The following ADAMTS12 variants were observed in gnomAD, a reference collection of about 807,000 sequenced individuals.
ADAMTS12 encodes ADAM metallopeptidase with thrombospondin type 1 motif 12.
In ADAMTS12, 118 loss-of-function variants were observed where a neutral mutation model predicts 167.8. That is an observed-to-expected ratio of 0.70 (90% CI 0.61 to 0.82). ADAMTS12 has a LOEUF of 0.82. Ranked by LOEUF, ADAMTS12 falls within the 40% of genes least tolerant of loss-of-function variation. The pLI is 0.00. For synonymous variants in ADAMTS12, 704 were observed against 716.9 expected, an observed-to-expected ratio of 0.98 and a Z score of 0.29; for missense variants, 1,916 against 1,998.8, an observed-to-expected ratio of 0.96 and a Z score of 0.79.
chr5:33,655,401 G>T (rs1033475883), intron 7 of ADAMTS12, among the ~76,000 whole-genome samples: 2 of 151,990 alleles, frequency 1.3e-5, no homozygotes, highest in East Asian at 3.9e-4. Context: ...TCTCACGTTG[G>T]GTAGGGTAAC....
chr5:33,798,631 G>C (rs1746872889), intron 2 of ADAMTS12, among the ~76,000 whole-genome samples: 2 of 151,924 alleles, frequency 1.3e-5, no homozygotes, highest in African/African-American at 4.8e-5. Flanking sequence ...GCAGAGACGG[G>C]GTTTCACCAT....
intron 13 of ADAMTS12, 118 bp from the exon 14 acceptor site, chr5:33,624,469 A>G: frequency 4.3e-6 from 6 of 1,408,066 alleles, no homozygotes; most frequent in Non-Finnish European, 5.7e-6. Context: ...GGTACCAGGT[A>G]CAAGGACAAA....
chr5:33,682,374 G>C (rs1736938343), intron 5 of ADAMTS12, among the ~76,000 whole-genome samples: 2 of 152,214 alleles, frequency 1.3e-5, no homozygotes, highest in Admixed American at 6.5e-5. Flanking sequence ...GACACCTCCA[G>C]GTGGAGATTT....
At chr5:33,623,140 T>C (rs534324596) in intron 14 of ADAMTS12, among the ~76,000 whole-genome samples, 1 of 152,278 alleles carries the variant, frequency 6.6e-6, no homozygotes, top group Admixed American at 6.5e-5. Flanking sequence ...GAAGCATGTT[T>C]AGAAGAGAGA....
chr5:33,683,158 C>G, intron 4 of ADAMTS12, 57 bp from the exon 5 acceptor site: 1 of 1,344,810 alleles, frequency 7.4e-7, no homozygotes, highest in South Asian at 1.3e-5. Flanking sequence ...AAATAAATAC[C>G]AGAGAAGAAA....
chr5:33,641,721 G>A, intron 11 of ADAMTS12, 89 bp downstream of exon 11: 1 of 1,301,520 alleles, frequency 7.7e-7, no homozygotes, highest in Non-Finnish European at 1.0e-6. Flanking sequence ...AGGAGGCTTG[G>A]GGTCACTGAG....
intron 20 of ADAMTS12, among the ~76,000 whole-genome samples, chr5:33,560,153 G>A (rs1021696601): frequency 8.5e-5 from 13 of 152,204 alleles, no homozygotes; most frequent in African/African-American, 3.1e-4. Context: ...GGTTTATCTT[G>A]TAAGAGAAAG....
At chr5:33,868,519 G>A (rs57405988) in intron 2 of ADAMTS12, among the ~76,000 whole-genome samples, 2,192 of 152,298 alleles carry the variant, frequency 0.014, 59 homozygotes, top group African/African-American at 0.05. Context: ...TAGAGGCATC[G>A]TGCTCCTGCC....
intron 12 of ADAMTS12, among the ~76,000 whole-genome samples, chr5:33,631,474 A>ATT (rs5867197): frequency 8.6e-5 from 13 of 151,846 alleles, no homozygotes; most frequent in Admixed American, 6.5e-4. Context: ...ATGTAGAAAC[A>ATT]TTTTTTTTGT....
Position 33,588,721 on chromosome 5 carries a change from C to T in ADAMTS12, c.2743G>A (p.Val915Ile). The change falls in exon 18 of 24, where the codon GTC (valine) becomes ATC (isoleucine). Residue 915 changes from valine (V) to isoleucine (I), a missense_variant. Val to Ile is a conservative substitution (Grantham distance 29). Coordinates refer to ENST00000504830, the MANE Select transcript of ADAMTS12 (RefSeq NM_030955.4). ...GGCGGGAGAGCCTGCTCGTCAGAGACCATGGTCTGGATGCACAGCACGGTT... is the reference window on the plus strand; with the variant it reads ...GGCGGGAGAGCCTGCTCGTCAGAGATCATGGTCTGGATGCACAGCACGGTT... ...KRTVLCIQTMVSDEQALPPTD... is the reference protein window; with the variant it reads ...KRTVLCIQTMISDEQALPPTD... 6.2e-7 allele frequency: 1 copy of T among 1,614,136 alleles called. No homozygotes were observed. Among genetic ancestry groups the T allele is most frequent in the Non-Finnish European group, 8.5e-7 (1 of 1,180,028 alleles).
At chr5:33,598,185 T>G (rs1171592108) in intron 16 of ADAMTS12, among the ~76,000 whole-genome samples, 2 of 152,134 alleles carry the variant, frequency 1.3e-5, no homozygotes, top group East Asian at 3.9e-4. Context: ...TGGTGACCAT[T>G]ACTCTTCTCT....
chr5:33,764,824 A>T (rs1017519196), intron 2 of ADAMTS12, among the ~76,000 whole-genome samples: 1 of 151,978 alleles, frequency 6.6e-6, no homozygotes, highest in African/African-American at 2.4e-5. Flanking sequence ...TTTCTTAAAC[A>T]AGGCCCAAAT....
chr5:33,844,028 T>A (rs1748848358), intron 2 of ADAMTS12, among the ~76,000 whole-genome samples: 1 of 152,216 alleles, frequency 6.6e-6, no homozygotes, highest in Non-Finnish European at 1.5e-5. Flanking sequence ...TTTACTGCAA[T>A]CTCTGAACAT....
rs796277780 is a variant in ADAMTS12 at position 33,717,574 on chromosome 5, A to G, written c.635-33519T>C. Among the ~76,000 whole-genome samples, 9 of 152,134 alleles carry G rather than the reference A, an allele frequency of 5.9e-5. No individual in the cohort carries two copies. In the East Asian group the frequency reaches 1.2e-3, roughly 20 times the overall value. On this transcript the variant is annotated intron_variant, in intron 3 of 23. Coordinates refer to ENST00000504830, the MANE Select transcript of ADAMTS12 (RefSeq NM_030955.4). Reference sequence around the variant, plus strand: ...GAAACAGCCGATTTGGCTCTTCACCATGGCACCATATGTCTCTTTCAAATA... The same window carrying G: ...GAAACAGCCGATTTGGCTCTTCACCGTGGCACCATATGTCTCTTTCAAATA...
intron 20 of ADAMTS12, among the ~76,000 whole-genome samples, chr5:33,553,881 T>C (rs1046158085): frequency 2.0e-5 from 3 of 152,106 alleles, no homozygotes; most frequent in Non-Finnish European, 2.9e-5. Context: ...AAAAATTTAT[T>C]CCAAAAATTC....
chr5:33,767,972 T>G (rs979092354), intron 2 of ADAMTS12, among the ~76,000 whole-genome samples: 19 of 152,274 alleles, frequency 1.2e-4, no homozygotes, highest in African/African-American at 4.6e-4. Flanking sequence ...TAGGCAACAG[T>G]ACAGGGTGAG....
At chr5:33,630,739 T>C in intron 13 of ADAMTS12, 41 bp downstream of exon 13, 1 of 1,576,204 alleles carries the variant, frequency 6.3e-7, no homozygotes, top group Non-Finnish European at 8.7e-7. Flanking sequence ...GTAAAAGTCA[T>C]GATTTTATAA....
At chr5:33,829,755 G>A (rs1007851872) in intron 2 of ADAMTS12, among the ~76,000 whole-genome samples, 1 of 152,202 alleles carries the variant, frequency 6.6e-6, no homozygotes, top group African/African-American at 2.4e-5. Flanking sequence ...CTAAGCAGCT[G>A]TGGTCGGAAA....
intron 2 of ADAMTS12, among the ~76,000 whole-genome samples, chr5:33,777,324 T>C (rs1229003436): frequency 1.3e-5 from 2 of 152,042 alleles, no homozygotes; most frequent in African/African-American, 2.4e-5. Context: ...AAAAAAATCA[T>C]GCAACATAAT....
Sources: gnomAD v4.1 joint callset for allele counts (sites outside exome capture counted in the v4.1 genomes callset) on GRCh38, gnomAD v4.1.1 for gene constraint, MANE v1.5 for transcripts, NCBI Gene and HGNC (gene_info 2026-07-23, HGNC 2026-07-21) for gene names.